TLDC2: variants seen among roughly 807,000 people sequenced by gnomAD.
TLDC2 encodes the protein TLD domain-containing protein 2.
TLDC2 carries 23 observed loss-of-function variants against 27.9 expected under a neutral mutation model. The ratio of observed to expected loss-of-function variants is 0.82; its 90% CI spans 0.59 to 1.17. The LOEUF (loss-of-function observed/expected upper bound fraction) is 1.17, where lower values mean the gene tolerates loss of function less well. TLDC2 is among the 50% of genes most tolerant of loss of function. The pLI, the probability that TLDC2 is intolerant of heterozygous loss-of-function variation, is 0.00. For synonymous variants in TLDC2, 124 were observed against 107.4 expected (o/e 1.16, Z -0.96); for missense variants, 286 against 273.4 (o/e 1.05, Z -0.32).
At position 36,893,029 on chromosome 20, in the gene TLDC2, T is replaced by C. The variant is rs954400529; in HGVS notation, c.*185T>C. 1 of 1,614,012 alleles carries C rather than the reference T, an allele frequency of 6.2e-7. No individual in the cohort carries two copies. Among genetic ancestry groups the C allele is most frequent in the South Asian group, 1.1e-5 (1 of 91,074 alleles). On this transcript the variant is annotated 3_prime_UTR_variant, in exon 7 of 7. Coordinates refer to ENST00000217320, the MANE Select transcript of TLDC2 (RefSeq NM_080628.3). ...TGAAGTACTGTCGTTCCATTCCTTT[T>C]TTTGAGGTGTTATGAGTGGGGCTAT...
chr20:36,890,833 A>G (rs528437129), intron 6 of TLDC2: 6 of 152,224 alleles, frequency 3.9e-5, no homozygotes, highest in Non-Finnish European at 7.3e-5. Context: ...ACAGTTGCAA[A>G]GAACATAAAG....
chr20:36,877,965 G>A lies in TLDC2; in HGVS notation c.100G>A (p.Ala34Thr), dbSNP rs1227291754. The change falls in exon 2 of 7, where the codon GCT (alanine) becomes ACT (threonine). Residue 34 changes from alanine (A) to threonine (T), a missense_variant. By Grantham distance (58) the Ala-to-Thr change is moderately conservative. Coordinates refer to ENST00000217320, the MANE Select transcript of TLDC2 (RefSeq NM_080628.3). Reference sequence around the variant, plus strand: ...CGAAGAGGAAGAGGAGGAGGAGGCAGCTCCAGACCCAGCTGCTGCTCCTGA... The same window carrying A: ...CGAAGAGGAAGAGGAGGAGGAGGCAACTCCAGACCCAGCTGCTGCTCCTGA... ...GNEEEEEEEA[A>T]PDPAAAPEDP... The A allele has an allele frequency of 6.2e-7, 1 of 1,614,120 alleles. No homozygotes were observed. Among genetic ancestry groups the A allele is most frequent in the Admixed American group, 1.7e-5 (1 of 60,024 alleles).
chr20:36,889,676 C>T (rs1339637315), intron 6 of TLDC2: 3 of 269,986 alleles, frequency 1.1e-5, no homozygotes. Context: ...ACATCTCTTC[C>T]CCGCTAGTGC....
At chr20:36,880,101 A>ATATATAT (rs1989780586) in intron 3 of TLDC2, among the ~76,000 whole-genome samples, 1 of 24,134 alleles carries the variant, frequency 4.1e-5, no homozygotes, top group Non-Finnish European at 1.4e-4. Flanking sequence ...ATATATATAT[A>ATATATAT]CTTTTTTTTT....
chr20:36,893,026 T>C lies in TLDC2; in HGVS notation c.*182T>C. On this transcript the variant is annotated 3_prime_UTR_variant, in exon 7 of 7. Transcript: ENST00000217320. ...GACTGAAGTACTGTCGTTCCATTCC[T>C]TTTTTTGAGGTGTTATGAGTGGGGC... The C allele has an allele frequency of 1.2e-6, 2 of 1,613,728 alleles. No individual in the cohort carries two copies. Among genetic ancestry groups the C allele is most frequent in the Non-Finnish European group, 1.7e-6 (2 of 1,179,802 alleles).
intron 1 of TLDC2, among the ~76,000 whole-genome samples, chr20:36,876,525 G>A (rs903633680): frequency 1.2e-4 from 19 of 152,218 alleles, no homozygotes; most frequent in Non-Finnish European, 1.0e-4. Flanking sequence ...ACAGAGCGGG[G>A]CAGGAGAGGG....
At position 36,893,007 on chromosome 20, in the gene TLDC2, A is replaced by G; in HGVS notation, c.*163A>G. The G allele has an allele frequency of 6.2e-7, 1 of 1,614,086 alleles. No homozygotes were observed. Among genetic ancestry groups the G allele is most frequent in the Non-Finnish European group, 8.5e-7 (1 of 1,180,016 alleles). On this transcript the variant is annotated 3_prime_UTR_variant, in exon 7 of 7. Transcript: ENST00000217320. Reference sequence around the variant, plus strand: ...GGAGGCGAGTTGGATTTTGGACTGAAGTACTGTCGTTCCATTCCTTTTTTT... The same window carrying G: ...GGAGGCGAGTTGGATTTTGGACTGAGGTACTGTCGTTCCATTCCTTTTTTT...
chr20:36,880,710 C>T lies in TLDC2; in HGVS notation c.398C>T (p.Thr133Ile). ...AIRLSKGFYG[T>I]GETFLFSFSP... ...CGACTCAGCAAAGGCTTCTATGGTA[C>T]TGGCGAGACATTCCTCTTCTCCTTC... is the stretch of plus-strand genomic sequence containing the variant. The change falls in exon 4 of 7, where the codon ACT (threonine) becomes ATT (isoleucine). Residue 133 changes from threonine (T) to isoleucine (I), a missense_variant. Physicochemically the swap from Thr to Ile is moderately conservative, Grantham distance 89 (BLOSUM62 -1). Coordinates refer to ENST00000217320, the MANE Select transcript of TLDC2 (RefSeq NM_080628.3). The T allele has an allele frequency of 1.2e-6, 2 of 1,614,222 alleles. No homozygotes were observed. The highest frequency in any genetic ancestry group is 1.7e-6 in the Non-Finnish European group (2 of 1,180,036).
intron 6 of TLDC2, chr20:36,891,071 G>T (rs1034691150): frequency 1.3e-5 from 2 of 152,172 alleles, no homozygotes; most frequent in African/African-American, 4.8e-5. Flanking sequence ...GGCTAAAATG[G>T]GAATGACCTA....
intron 2 of TLDC2, 124 bp from the exon 3 acceptor site, chr20:36,878,917 G>A: frequency 7.0e-7 from 1 of 1,429,052 alleles, no homozygotes. Context: ...CCTAGAAACA[G>A]CAAACTGCTC....
chr20:36,883,412 C>T (rs966960303), intron 4 of TLDC2, among the ~76,000 whole-genome samples: 1 of 152,102 alleles, frequency 6.6e-6, no homozygotes, highest in African/African-American at 2.4e-5. Flanking sequence ...GCTGGTATTA[C>T]AGACATGAGT....
At chr20:36,885,208 C>T (rs532321686) in intron 4 of TLDC2, among the ~76,000 whole-genome samples, 28 of 152,214 alleles carry the variant, frequency 1.8e-4, no homozygotes, top group African/African-American at 6.7e-4. Flanking sequence ...TATCTGCCTT[C>T]TCCCACTAGA....
At position 36,893,115 on chromosome 20, in the gene TLDC2, A is replaced by C; in HGVS notation, c.*271A>C. ...AGGCAATAGAGAAAAGCCAGTTTCC[A>C]TCATCTTATTTCTGAGTGAAAGTCT... On this transcript the variant is annotated 3_prime_UTR_variant, in exon 7 of 7. Transcript: ENST00000217320. 1 of 1,604,398 alleles carries C rather than the reference A, an allele frequency of 6.2e-7. No homozygotes were observed. Among genetic ancestry groups the C allele is most frequent in the Non-Finnish European group, 8.5e-7 (1 of 1,177,902 alleles).
intron 4 of TLDC2, among the ~76,000 whole-genome samples, chr20:36,886,409 C>T (rs754655726): frequency 6.6e-6 from 1 of 152,156 alleles, no homozygotes; most frequent in Non-Finnish European, 1.5e-5. Flanking sequence ...GCCTGGGCAA[C>T]ATGGTGAAAC....
chr20:36,890,406 C>CT (rs1023760506), intron 6 of TLDC2: 1 of 149,222 alleles, frequency 6.7e-6, no homozygotes, highest in African/African-American at 2.5e-5. Context: ...CTCTTTCTTT[C>CT]TTTCTTTCTT....
chr20:36,884,201 G>T (rs562705018), intron 4 of TLDC2, among the ~76,000 whole-genome samples: 10 of 152,294 alleles, frequency 6.6e-5, no homozygotes, highest in African/African-American at 2.4e-4. Context: ...TGTGTCCAAT[G>T]ATCTACAAGT....
chr20:36,892,877 G>A lies in TLDC2; in HGVS notation c.*33G>A, dbSNP rs1205980777. ...TAATTTGCAGAATTCTATGATTGAAGCCTCTAAATGAATTGTGCAGGAGAG... is the reference window on the plus strand; with the variant it reads ...TAATTTGCAGAATTCTATGATTGAAACCTCTAAATGAATTGTGCAGGAGAG... On this transcript the variant is annotated 3_prime_UTR_variant, in exon 7 of 7. Coordinates refer to ENST00000217320, the MANE Select transcript of TLDC2 (RefSeq NM_080628.3). 1 of 1,600,652 alleles carries A rather than the reference G, an allele frequency of 6.2e-7. No homozygotes were observed.
At chr20:36,877,765 TG>T in intron 1 of TLDC2, 133 bp from the exon 2 acceptor site, 1 of 1,042,216 alleles carries the variant, frequency 9.6e-7, no homozygotes, top group Non-Finnish European at 1.4e-6. Flanking sequence ...CCAACTACCC[TG>T]GGCTGGGCTG....
chr20:36,880,089 A>ATATATGTGTGTGTG (rs1555828572), intron 3 of TLDC2, among the ~76,000 whole-genome samples: 1 of 40,200 alleles, frequency 2.5e-5, no homozygotes, highest in East Asian at 4.6e-4. Flanking sequence ...ATATATATAT[A>ATATATGTGTGTGTG]TATATATATA....
Sources: gnomAD v4.1 joint callset for allele counts (sites outside exome capture counted in the v4.1 genomes callset) on GRCh38, gnomAD v4.1.1 for gene constraint, MANE v1.5 for transcripts, NCBI Gene and HGNC (gene_info 2026-07-23, HGNC 2026-07-21) for gene names.